Variants in SGCZ observed in about 807,000 individuals in gnomAD.
SGCZ encodes the protein zeta-sarcoglycan.
A neutral mutation model predicts 41.3 loss-of-function variants in SGCZ; 40 were observed. The observed-to-expected ratio is 0.97, with a 90% CI of 0.75 to 1.26. The LOEUF (loss-of-function observed/expected upper bound fraction) is 1.26. Ranked by LOEUF, SGCZ falls within the 50% of genes most tolerant of loss-of-function variation. SGCZ has a pLI of 0.00. For synonymous variants in SGCZ, 206 were observed against 137.5 expected, an observed-to-expected ratio of 1.50 and a Z score of -3.49; for missense variants, 552 against 369.8, an observed-to-expected ratio of 1.49 and a Z score of -4.04.
At chr8:15,050,137 C>T (rs1481327172) in intron 1 of SGCZ, among the ~76,000 whole-genome samples, 1 of 152,156 alleles carries the variant, frequency 6.6e-6, no homozygotes, top group Non-Finnish European at 1.5e-5. Flanking sequence ...TTTACACGTA[C>T]AGTCTGTGTG....
intron 1 of SGCZ, among the ~76,000 whole-genome samples, chr8:15,054,460 G>T (rs754378968): frequency 1.2e-4 from 18 of 150,388 alleles, no homozygotes; most frequent in Non-Finnish European, 2.7e-4. Flanking sequence ...ACTAACCCCT[G>T]GAGTGCTGCA....
intron 5 of SGCZ, among the ~76,000 whole-genome samples, chr8:14,134,038 T>C (rs1442530953): frequency 6.6e-6 from 1 of 152,186 alleles, no homozygotes; most frequent in East Asian, 1.9e-4. Flanking sequence ...TATGATAGAA[T>C]CCAATACATT....
At chr8:14,725,608 A>G (rs544249111) in intron 1 of SGCZ, among the ~76,000 whole-genome samples, 40 of 152,338 alleles carry the variant, frequency 2.6e-4, no homozygotes, top group Admixed American at 2.6e-4. Flanking sequence ...ATTGATAACA[A>G]TGTGAAGGCA....
intron 4 of SGCZ, among the ~76,000 whole-genome samples, chr8:14,174,526 GA>G (rs988051877): frequency 3.0e-4 from 45 of 152,086 alleles, no homozygotes; most frequent in African/African-American, 9.9e-4. Context: ...ACAAACTCAA[GA>G]AGTTCAATGT....
intron 4 of SGCZ, among the ~76,000 whole-genome samples, chr8:14,235,262 A>T (rs1271450347): frequency 6.6e-6 from 1 of 152,130 alleles, no homozygotes; most frequent in Non-Finnish European, 1.5e-5. Flanking sequence ...TTCTATGTTC[A>T]CTAAAATATG....
intron 1 of SGCZ, among the ~76,000 whole-genome samples, chr8:14,568,996 G>C (rs111413603): frequency 1.3e-5 from 2 of 152,242 alleles, no homozygotes; most frequent in African/African-American, 4.8e-5. Context: ...AATTGGAAAA[G>C]CTGTACCTGT....
intron 1 of SGCZ, among the ~76,000 whole-genome samples, chr8:14,585,976 T>C (rs1805044307): frequency 6.6e-6 from 1 of 152,106 alleles, no homozygotes; most frequent in African/African-American, 2.4e-5. Context: ...GGTGGCATTA[T>C]ATCTCCAAAA....
chr8:14,637,198 G>T (rs1259634289), intron 1 of SGCZ, among the ~76,000 whole-genome samples: 1 of 151,744 alleles, frequency 6.6e-6, no homozygotes, highest in African/African-American at 2.4e-5. Context: ...GGACTCTGCT[G>T]AGTTAGATTT....
At chr8:14,097,274 C>T (rs1288168006) in intron 7 of SGCZ, among the ~76,000 whole-genome samples, 1 of 152,160 alleles carries the variant, frequency 6.6e-6, no homozygotes, top group Non-Finnish European at 1.5e-5. Flanking sequence ...ATGTGTGTCC[C>T]AGAGATTCTG....
At chr8:14,633,394 T>C (rs889583550) in intron 1 of SGCZ, among the ~76,000 whole-genome samples, 2 of 151,982 alleles carry the variant, frequency 1.3e-5, no homozygotes, top group Non-Finnish European at 2.9e-5. Flanking sequence ...ATAGACATAG[T>C]AATGCATAAA....
intron 1 of SGCZ, among the ~76,000 whole-genome samples, chr8:15,154,634 T>A (rs1319123915): frequency 6.6e-6 from 1 of 152,226 alleles, no homozygotes; most frequent in Non-Finnish European, 1.5e-5. Context: ...TAACAGGTGA[T>A]CAATATTTTG....
chr8:14,149,229 G>C (rs764602925), intron 5 of SGCZ, among the ~76,000 whole-genome samples: 1 of 151,962 alleles, frequency 6.6e-6, no homozygotes, highest in Non-Finnish European at 1.5e-5. Flanking sequence ...AATTGAAAAC[G>C]AACAAGTCAA....
intron 1 of SGCZ, among the ~76,000 whole-genome samples, chr8:15,105,801 G>T (rs1198035538): frequency 2.6e-5 from 4 of 152,094 alleles, no homozygotes; most frequent in African/African-American, 9.7e-5. Flanking sequence ...ACCAAAATTG[G>T]TTTCTATAAT....
At chr8:14,650,505 C>T in intron 1 of SGCZ, among the ~76,000 whole-genome samples, 1 of 151,928 alleles carries the variant, frequency 6.6e-6, no homozygotes, top group East Asian at 1.9e-4. Flanking sequence ...CTCCCTCCTC[C>T]CACCCCTGAC....
chr8:14,193,053 T>C (rs899512704), intron 4 of SGCZ, among the ~76,000 whole-genome samples: 8 of 151,892 alleles, frequency 5.3e-5, no homozygotes, highest in Non-Finnish European at 7.4e-5. Flanking sequence ...TTCCCAAAGA[T>C]GTGTCTATGA....
intron 1 of SGCZ, among the ~76,000 whole-genome samples, chr8:14,847,222 A>G (rs1803162930): frequency 6.6e-6 from 1 of 152,172 alleles, no homozygotes; most frequent in Non-Finnish European, 1.5e-5. Context: ...TTTTCAAGAC[A>G]TTAAAAGAGG....
intron 1 of SGCZ, among the ~76,000 whole-genome samples, chr8:15,050,668 G>T (rs1388720323): frequency 6.6e-6 from 1 of 152,070 alleles, no homozygotes; most frequent in Non-Finnish European, 1.5e-5. Flanking sequence ...AACTTCAGTG[G>T]AGCATTGGAA....
Position 14,718,189 on chromosome 8 carries a change from CAAA to C in SGCZ, c.40-163266_40-163264del, listed in dbSNP as rs535282320. Among the ~76,000 whole-genome samples, 809 of 151,736 alleles carry C rather than the reference CAAA, an allele frequency of 5.3e-3. 4 individuals carry two copies. The highest frequency in any genetic ancestry group is 6.6e-3 in the Non-Finnish European group (451 of 67,860). ...ACACACACACAAACACACATACAAA[CAAA>C]AACTGTGGTGTTTTTAAAAGATGGT... On this transcript the variant is annotated intron_variant, in intron 1 of 7. Coordinates refer to ENST00000382080, the MANE Select transcript of SGCZ (RefSeq NM_139167.4).
chr8:14,570,732 A>G (rs1205633110), intron 1 of SGCZ, among the ~76,000 whole-genome samples: 1 of 152,172 alleles, frequency 6.6e-6, no homozygotes. Context: ...TCAATATTCA[A>G]TGTGATATGA....
Sources: allele counts gnomAD v4.1 joint callset (sites outside exome capture counted in the v4.1 genomes callset), GRCh38; gene constraint gnomAD v4.1.1; transcripts MANE v1.5; gene names NCBI Gene and HGNC (gene_info 2026-07-23, HGNC 2026-07-21).